Variants in CHL1 observed in about 807,000 individuals in gnomAD.
CHL1 encodes the protein cell adhesion molecule L1 like, also known as neural cell adhesion molecule L1-like protein.
Under a neutral mutation model 141.9 loss-of-function variants are expected in CHL1, and 96 were observed. That is an observed-to-expected ratio of 0.68 (90% CI 0.57 to 0.80). The LOEUF is 0.80. CHL1 is among the 30% of genes least tolerant of loss of function. The pLI is 0.00. For missense variants in CHL1, 1,820 were observed against 1,457.2 expected, an observed-to-expected ratio of 1.25 and a Z score of -4.05; for synonymous variants, 613 against 502.2, an observed-to-expected ratio of 1.22 and a Z score of -2.95.
chr3:334,697 A>T (rs1035850849), intron 5 of CHL1, among the ~76,000 whole-genome samples: 2 of 152,148 alleles, frequency 1.3e-5, no homozygotes, highest in African/African-American at 4.8e-5. Context: ...CATTTGAATT[A>T]TTTCCACTTT....
At chr3:306,320 G>A (rs1320174350) in intron 2 of CHL1, among the ~76,000 whole-genome samples, 1 of 152,034 alleles carries the variant, frequency 6.6e-6, no homozygotes, top group Non-Finnish European at 1.5e-5. Flanking sequence ...AATAGAATAC[G>A]TTTGCTTTTA....
chr3:409,197 G>A lies in CHL1; in HGVS notation c.*3486G>A, dbSNP rs940365408. 40 of 152,088 alleles carry A rather than the reference G, an allele frequency of 2.6e-4. No homozygotes were observed. Among genetic ancestry groups the A allele is most frequent in the African/African-American group, 9.4e-4 (39 of 41,546 alleles). The allele number at this position is 152,088 out of a possible 1,614,324, so 9.4% of individuals were successfully genotyped here. A position where few individuals can be genotyped will look rare whatever the true frequency, so the allele number is the denominator to read the frequency against. The stretch of plus-strand genomic sequence containing the variant: ...CTTTGTTTTGTACCTTAAATTGTTC[G>A]ATTACGTCATCAAAAGAGATGAAAG... On this transcript the variant is annotated 3_prime_UTR_variant, in exon 28 of 28. Coordinates refer to ENST00000256509, the MANE Select transcript of CHL1 (RefSeq NM_006614.4).
At chr3:324,508 A>G (rs1363682190) in intron 3 of CHL1, among the ~76,000 whole-genome samples, 2 of 152,110 alleles carry the variant, frequency 1.3e-5, no homozygotes, top group African/African-American at 4.8e-5. Flanking sequence ...GCTTAATCCA[A>G]GTTGTATTTC....
In CHL1 at chr3:298,715, T is replaced by C. The variant is rs565275804; in HGVS notation, c.-94-20968T>C. Among the ~76,000 whole-genome samples the C allele has an allele frequency of 6.0e-4, 92 of 152,080 alleles. 1 individual carries two copies. In the South Asian group the frequency reaches 0.019, roughly 31 times the overall value. On this transcript the variant is annotated intron_variant, in intron 2 of 27. Coordinates refer to ENST00000256509, the MANE Select transcript of CHL1 (RefSeq NM_006614.4). ...GGCTACCTTGTTTATTTCCAGGGAG[T>C]GGTCCCTTGGTGAAAAGAGAGAATG...
At chr3:299,823 A>C (rs1160767954) in intron 2 of CHL1, among the ~76,000 whole-genome samples, 2 of 152,062 alleles carry the variant, frequency 1.3e-5, no homozygotes, top group Non-Finnish European at 1.5e-5. Context: ...TGCCTCTGCG[A>C]ACACCCACAG....
At chr3:238,902 C>T (rs1692265717) in intron 1 of CHL1, among the ~76,000 whole-genome samples, 1 of 152,120 alleles carries the variant, frequency 6.6e-6, no homozygotes. Context: ...CATTGCACTC[C>T]AGCCTGGGTG....
chr3:215,972 G>T (rs1398041556), intron 1 of CHL1, among the ~76,000 whole-genome samples: 1 of 151,984 alleles, frequency 6.6e-6, no homozygotes, highest in Non-Finnish European at 1.5e-5. Flanking sequence ...CATCAAATTT[G>T]CCAACTGCAA....
chr3:360,723 G>A lies in CHL1; in HGVS notation c.1306+299G>A, dbSNP rs370804642. On this transcript the variant is annotated intron_variant, in intron 12 of 27. Transcript: ENST00000256509. ...TCATCTAGCATTAGGTATATCTCCC[G>A]ATGCTATCCCGCCCCCCCTCCCCCC... is the stretch of plus-strand genomic sequence containing the variant. Among the ~76,000 whole-genome samples the A allele has an allele frequency of 5.4e-3, 744 of 138,504 alleles. 5 individuals are homozygous for A. Among genetic ancestry groups the A allele is most frequent in the African/African-American group, 0.018 (568 of 31,898 alleles). The allele number at this position is 138,504 out of a possible 152,430, so 90.9% of individuals were successfully genotyped here.
intron 5 of CHL1, among the ~76,000 whole-genome samples, chr3:339,489 C>T (rs908811200): frequency 2.0e-5 from 3 of 152,100 alleles, no homozygotes; most frequent in Non-Finnish European, 2.9e-5. Context: ...TCTTATAGAA[C>T]GAGTTGAGCA....
chr3:217,059 T>C (rs1404613667), intron 1 of CHL1, among the ~76,000 whole-genome samples: 1 of 152,142 alleles, frequency 6.6e-6, no homozygotes, highest in Admixed American at 6.5e-5. Context: ...AAATTTTCAG[T>C]AGCTTGATTT....
chr3:253,512 C>A (rs557752873), intron 2 of CHL1, among the ~76,000 whole-genome samples: 4 of 152,046 alleles, frequency 2.6e-5, no homozygotes, highest in African/African-American at 7.2e-5. Flanking sequence ...TTTTTGTATG[C>A]GGGCCAATAA....
chr3:395,868 T>C (rs1708625773), intron 24 of CHL1, among the ~76,000 whole-genome samples: 2 of 152,026 alleles, frequency 1.3e-5, no homozygotes, highest in Admixed American at 1.3e-4. Flanking sequence ...AGGGGAAAAA[T>C]AGTAGAGAAA....
chr3:255,609 C>T (rs1694083640), intron 2 of CHL1, among the ~76,000 whole-genome samples: 1 of 152,134 alleles, frequency 6.6e-6, no homozygotes, highest in African/African-American at 2.4e-5. Flanking sequence ...TATCTGTGCT[C>T]AATGGATGCA....
In CHL1 at chr3:352,075, T is replaced by C. The variant is rs184964152; in HGVS notation, c.1033+2532T>C. Among the ~76,000 whole-genome samples, 3 of 152,272 alleles carry C rather than the reference T, an allele frequency of 2.0e-5. No homozygotes were observed. In the East Asian group the frequency reaches 5.8e-4, roughly 29 times the overall value. On this transcript the variant is annotated intron_variant, in intron 10 of 27. Coordinates refer to ENST00000256509, the MANE Select transcript of CHL1 (RefSeq NM_006614.4). Reference sequence around the variant, plus strand: ...AGCCTTTGAATTTTAGTAAGTGAAATAGGAAAGCATTTATATGTAATTATA... The same window carrying C: ...AGCCTTTGAATTTTAGTAAGTGAAACAGGAAAGCATTTATATGTAATTATA...
At chr3:344,744 A>G in intron 9 of CHL1, 35 bp downstream of exon 9, 1 of 1,605,600 alleles carries the variant, frequency 6.2e-7, no homozygotes, top group South Asian at 1.1e-5. Flanking sequence ...GACTTTGTCC[A>G]TCCAGTTCTG....
At chr3:218,587 T>C (rs971336873) in intron 1 of CHL1, among the ~76,000 whole-genome samples, 1 of 152,206 alleles carries the variant, frequency 6.6e-6, no homozygotes, top group African/African-American at 2.4e-5. Flanking sequence ...AGCCCATATA[T>C]TGATGATGTC....
At chr3:318,291 A>G (rs1700295013) in intron 2 of CHL1, among the ~76,000 whole-genome samples, 1 of 151,948 alleles carries the variant, frequency 6.6e-6, no homozygotes, top group Admixed American at 6.6e-5. Flanking sequence ...AAGTGAAATA[A>G]TAAAGCGGAA....
At chr3:273,480 T>G (rs1695818025) in intron 2 of CHL1, among the ~76,000 whole-genome samples, 1 of 152,196 alleles carries the variant, frequency 6.6e-6, no homozygotes, top group Non-Finnish European at 1.5e-5. Flanking sequence ...TGTGTTACCT[T>G]CTTTAATCTT....
intron 9 of CHL1, among the ~76,000 whole-genome samples, chr3:345,719 G>C (rs1349933366): frequency 6.6e-6 from 1 of 152,048 alleles, no homozygotes; most frequent in Non-Finnish European, 1.5e-5. Flanking sequence ...TCCGGACCCT[G>C]TGATCCACCT....
Sources: gnomAD v4.1 joint callset for allele counts (sites outside exome capture counted in the v4.1 genomes callset) on GRCh38, gnomAD v4.1.1 for gene constraint, MANE v1.5 for transcripts, NCBI Gene and HGNC (gene_info 2026-07-23, HGNC 2026-07-21) for gene names.